Variants in RALA observed in about 807,000 individuals in gnomAD.
RALA encodes ras-related protein Ral-A.
RALA carries 5 observed loss-of-function variants against 24.0 expected under a neutral mutation model. The ratio of observed to expected loss-of-function variants is 0.21; its 90% confidence interval spans 0.11 to 0.44. RALA has a LOEUF of 0.44. Ranked by LOEUF, RALA falls within the 20% of genes least tolerant of loss-of-function variation. The probability of loss-of-function intolerance (pLI) is 0.99; values close to 1 mark genes in which losing one functional copy is unlikely to be tolerated. For missense variants in RALA, 95 were observed against 241.2 expected (o/e 0.39, Z 4.01); for synonymous variants, 77 against 83.8 (o/e 0.92, Z 0.44).
chr7:39,654,633 C>A (rs1383676327), intron 1 of RALA, among the ~76,000 whole-genome samples: 1 of 152,114 alleles, frequency 6.6e-6, no homozygotes, highest in African/African-American at 2.4e-5. Context: ...AGGTCACATG[C>A]CTAACTCTAT....
intron 1 of RALA, among the ~76,000 whole-genome samples, chr7:39,665,648 GT>G (rs34551838): frequency 0.34 from 50,022 of 145,472 alleles, 8,833 homozygotes; most frequent in Non-Finnish European, 0.41. Flanking sequence ...CTGCAATGTA[GT>G]TTTTTTTTTT....
At chr7:39,706,003 C>A in intron 4 of RALA, 120 bp from the exon 5 acceptor site, 1 of 896,548 alleles carries the variant, frequency 1.1e-6, no homozygotes, top group Non-Finnish European at 1.6e-6. Flanking sequence ...TCTGTACTCC[C>A]AAACAAGAGC....
intron 1 of RALA, among the ~76,000 whole-genome samples, chr7:39,686,205 C>CA (rs35214885): frequency 0.29 from 27,268 of 92,668 alleles, 3,280 homozygotes; most frequent in South Asian, 0.39. Flanking sequence ...GACTCCGTCT[C>CA]AAAAAAAAAA....
chr7:39,657,568 A>AT (rs2115985786), intron 1 of RALA, among the ~76,000 whole-genome samples: 1 of 152,248 alleles, frequency 6.6e-6, no homozygotes, highest in South Asian at 2.1e-4. Context: ...CCTTCTAAAC[A>AT]TTATCTTTTT....
At chr7:39,654,387 T>A (rs978528229) in intron 1 of RALA, among the ~76,000 whole-genome samples, 1 of 152,216 alleles carries the variant, frequency 6.6e-6, no homozygotes, top group Admixed American at 6.5e-5. Context: ...TTCCAGTTTT[T>A]ACAGTAATAA....
At chr7:39,682,341 CTGTCCTCTCTTGCA>C (rs1792619068) in intron 1 of RALA, among the ~76,000 whole-genome samples, 1 of 152,212 alleles carries the variant, frequency 6.6e-6, no homozygotes, top group African/African-American at 2.4e-5. Flanking sequence ...CCCCAAGCCT[CTGTCCTCTCTTGCA>C]TGGATTACTG....
intron 4 of RALA, among the ~76,000 whole-genome samples, chr7:39,699,596 A>G (rs1355766690): frequency 2.0e-5 from 3 of 152,374 alleles, no homozygotes. Context: ...CAACCATTAA[A>G]AAGAAATGAG....
At chr7:39,685,477 C>G (rs1792681710) in intron 1 of RALA, among the ~76,000 whole-genome samples, 1 of 152,130 alleles carries the variant, frequency 6.6e-6, no homozygotes, top group African/African-American at 2.4e-5. Context: ...CCCCCTCAAC[C>G]CCCAATAACA....
At chr7:39,635,631 G>A (rs1371935880) in intron 1 of RALA, among the ~76,000 whole-genome samples, 1 of 152,140 alleles carries the variant, frequency 6.6e-6, no homozygotes, top group Non-Finnish European at 1.5e-5. Context: ...AGGGGAAATG[G>A]GGAGGAGGAT....
At chr7:39,632,369 G>A (rs1167468988) in intron 1 of RALA, among the ~76,000 whole-genome samples, 1 of 152,128 alleles carries the variant, frequency 6.6e-6, no homozygotes. Context: ...TTAAATAGCA[G>A]TGTAACAATG....
In RALA at chr7:39,675,829, G is replaced by C. The variant is rs76747628; in HGVS notation, c.-37-10802G>C. 7.0e-3 allele frequency among the ~76,000 whole-genome samples: 1,062 copies of C among 151,184 alleles called. 6 individuals carry two copies. The highest frequency in any genetic ancestry group is 9.5e-3 in the African/African-American group (391 of 41,264). On this transcript the variant is annotated intron_variant, in intron 1 of 4. Coordinates refer to ENST00000005257, the MANE Select transcript of RALA (RefSeq NM_005402.4). ...TGAAATTGTTCATTTTATATTACCT[G>C]TGTTTTTTTAATTGAGCAAATATTC... is the stretch of plus-strand genomic sequence containing the variant.
intron 4 of RALA, among the ~76,000 whole-genome samples, chr7:39,701,380 G>C (rs78459877): frequency 0.024 from 3,597 of 152,208 alleles, 83 homozygotes; most frequent in East Asian, 0.14. Context: ...GTGTGGTGGC[G>C]AATGTCTGTA....
chr7:39,646,374 C>T (rs1046526923), intron 1 of RALA, among the ~76,000 whole-genome samples: 5 of 152,128 alleles, frequency 3.3e-5, no homozygotes, highest in African/African-American at 1.2e-4. Context: ...GTGGCTCACA[C>T]CTGTAATCTT....
rs962404717 is a variant in RALA, at chr7:39,707,068, T to C, written c.*823T>C. ...AGATTCCAGAGCTCTTTGATCGCTT[T>C]TAATAAACTGCAAGTTCATTTTAAA... On this transcript the variant is annotated 3_prime_UTR_variant, in exon 5 of 5. Transcript: ENST00000005257. The C allele has an allele frequency of 1.3e-5, 2 of 152,654 alleles. No homozygotes were observed. Among genetic ancestry groups the C allele is most frequent in the African/African-American group, 4.8e-5 (2 of 41,456 alleles). The allele number at this position is 152,654 out of a possible 1,614,324, so 9.5% of individuals were successfully genotyped here.
At chr7:39,642,821 A>G (rs1256574367) in intron 1 of RALA, among the ~76,000 whole-genome samples, 2 of 152,238 alleles carry the variant, frequency 1.3e-5, no homozygotes, top group African/African-American at 2.4e-5. Context: ...TTCATTTTAC[A>G]TATACCTTTA....
chr7:39,667,099 T>G (rs1172128793), intron 1 of RALA, among the ~76,000 whole-genome samples: 2 of 152,232 alleles, frequency 1.3e-5, no homozygotes, highest in African/African-American at 4.8e-5. Context: ...TTGTGTTTAT[T>G]TATGATTCTT....
chr7:39,678,173 C>T (rs1395702769), intron 1 of RALA, among the ~76,000 whole-genome samples: 3 of 150,130 alleles, frequency 2.0e-5, no homozygotes, highest in African/African-American at 7.4e-5. Flanking sequence ...TGCACATGTA[C>T]CCTAAAACTT....
chr7:39,681,055 C>T (rs1490263969), intron 1 of RALA, among the ~76,000 whole-genome samples: 1 of 152,122 alleles, frequency 6.6e-6, no homozygotes, highest in Non-Finnish European at 1.5e-5. Context: ...TGTTCCAGGT[C>T]CTAATTCTTC....
At chr7:39,699,604 G>A (rs551814621) in intron 4 of RALA, among the ~76,000 whole-genome samples, 1 of 152,218 alleles carries the variant, frequency 6.6e-6, no homozygotes, top group Non-Finnish European at 1.5e-5. Context: ...AAAAAGAAAT[G>A]AGGATAGAAC....
Sources: gnomAD v4.1 joint callset for allele counts (sites outside exome capture counted in the v4.1 genomes callset) on GRCh38, gnomAD v4.1.1 for gene constraint, MANE v1.5 for transcripts, NCBI Gene and HGNC (gene_info 2026-07-23, HGNC 2026-07-21) for gene names.